ADGRL2: variants seen among roughly 807,000 people sequenced by gnomAD.
The protein encoded by ADGRL2 is calcium-independent alpha-latrotoxin receptor 2.
ADGRL2 carries 44 observed loss-of-function variants against 157.4 expected under a neutral mutation model. The ratio of observed to expected loss-of-function variants is 0.28; its 90% CI spans 0.22 to 0.36. The LOEUF (loss-of-function observed/expected upper bound fraction) is 0.36. Ranked by LOEUF, ADGRL2 falls within the 10% of genes least tolerant of loss-of-function variation. The pLI is 1.00. For missense variants in ADGRL2, 1,510 were observed against 1,768.9 expected, an observed-to-expected ratio of 0.85 and a Z score of 2.63; for synonymous variants, 585 against 624.7, an observed-to-expected ratio of 0.94 and a Z score of 0.95.
intron 1 of ADGRL2, among the ~76,000 whole-genome samples, chr1:81,759,035 A>C (rs2149298138): frequency 6.6e-6 from 1 of 152,268 alleles, no homozygotes; most frequent in South Asian, 2.1e-4. Flanking sequence ...CCACATTTTG[A>C]ATACAGTCTG....
chr1:81,746,414 T>C (rs917304709), intron 1 of ADGRL2, among the ~76,000 whole-genome samples: 2 of 152,118 alleles, frequency 1.3e-5, no homozygotes, highest in African/African-American at 4.8e-5. Flanking sequence ...CTCAGCCTCC[T>C]GAGTAGCTGG....
intron 1 of ADGRL2, among the ~76,000 whole-genome samples, chr1:81,311,971 T>C (rs1035052584): frequency 6.6e-6 from 1 of 152,156 alleles, no homozygotes; most frequent in Admixed American, 6.6e-5. Flanking sequence ...ATTCAGACTT[T>C]GGCATTTTTT....
At chr1:81,436,394 C>A in intron 1 of ADGRL2, among the ~76,000 whole-genome samples, 1 of 152,176 alleles carries the variant, frequency 6.6e-6, no homozygotes, top group Non-Finnish European at 1.5e-5. Flanking sequence ...ACATACCTGA[C>A]AAAAGGTGGT....
chr1:81,901,844 G>A (rs989281151), intron 2 of ADGRL2, among the ~76,000 whole-genome samples: 11 of 152,088 alleles, frequency 7.2e-5, no homozygotes, highest in Non-Finnish European at 2.9e-5. Flanking sequence ...GTGTAAAATG[G>A]TCAAAGAAGG....
intron 1 of ADGRL2, among the ~76,000 whole-genome samples, chr1:81,315,915 T>C (rs1182505967): frequency 6.6e-6 from 1 of 152,132 alleles, no homozygotes; most frequent in East Asian, 1.9e-4. Context: ...AGGAAGATAA[T>C]TGATACACAT....
intron 3 of ADGRL2, among the ~76,000 whole-genome samples, chr1:81,650,254 G>T (rs2082387900): frequency 6.6e-6 from 1 of 152,028 alleles, no homozygotes; most frequent in African/African-American, 2.4e-5. Context: ...AACATGGCAG[G>T]TGAAGGAAGA....
At chr1:81,726,015 A>C (rs1173543230) in intron 1 of ADGRL2, among the ~76,000 whole-genome samples, 1 of 152,086 alleles carries the variant, frequency 6.6e-6, no homozygotes, top group Non-Finnish European at 1.5e-5. Context: ...ACAAAAACCC[A>C]AAAACCAAAA....
intron 3 of ADGRL2, among the ~76,000 whole-genome samples, chr1:81,669,660 TG>T (rs1426492537): frequency 6.6e-6 from 1 of 152,040 alleles, no homozygotes; most frequent in East Asian, 1.9e-4. Flanking sequence ...AGAGGACACC[TG>T]GCTGGGTGTG....
intron 1 of ADGRL2, chr1:81,721,804 C>A: frequency 8.9e-7 from 1 of 1,129,050 alleles, no homozygotes; most frequent in South Asian, 1.2e-5. Context: ...TGGGAGCAGG[C>A]GGTAAAGTAC....
intron 3 of ADGRL2, among the ~76,000 whole-genome samples, chr1:81,925,877 G>A (rs1287949957): frequency 1.3e-5 from 2 of 151,874 alleles, no homozygotes; most frequent in Admixed American, 6.6e-5. Context: ...CATCTCAGGA[G>A]TCAGAAAAAA....
intron 2 of ADGRL2, among the ~76,000 whole-genome samples, chr1:81,504,411 A>G (rs1218658289): frequency 6.6e-6 from 1 of 152,100 alleles, no homozygotes; most frequent in African/African-American, 2.4e-5. Flanking sequence ...GAAATACCTC[A>G]GATTTGTAAT....
chr1:81,889,946 T>A (rs1487477733), intron 2 of ADGRL2, among the ~76,000 whole-genome samples: 1 of 152,246 alleles, frequency 6.6e-6, no homozygotes, highest in Non-Finnish European at 1.5e-5. Context: ...GGATTGTATG[T>A]GTGGGTCACC....
intron 3 of ADGRL2, among the ~76,000 whole-genome samples, chr1:81,611,752 C>T (rs528292874): frequency 1.3e-5 from 2 of 152,152 alleles, no homozygotes; most frequent in African/African-American, 4.8e-5. Flanking sequence ...TACCCTAGAC[C>T]TGCTGATATG....
intron 2 of ADGRL2, among the ~76,000 whole-genome samples, chr1:81,895,656 A>G (rs2094370573): frequency 2.6e-5 from 4 of 152,242 alleles, no homozygotes; most frequent in South Asian, 2.1e-4. Context: ...CGGCCTCCCA[A>G]AGTGCTGGGA....
intron 2 of ADGRL2, among the ~76,000 whole-genome samples, chr1:81,461,034 T>A (rs1298175962): frequency 2.8e-4 from 42 of 152,188 alleles, no homozygotes; most frequent in Admixed American, 2.7e-3. Flanking sequence ...CAGACCCCTC[T>A]GCTTGCCCAG....
intron 1 of ADGRL2, chr1:81,722,765 A>G (rs1204765053): frequency 6.8e-5 from 54 of 797,458 alleles, no homozygotes; most frequent in Non-Finnish European, 1.1e-4. Context: ...CAAGAAGAGC[A>G]TGAGAGAGCC....
intron 16 of ADGRL2, 122 bp from the exon 17 acceptor site, chr1:81,971,730 A>G (rs1658812387): frequency 1.7e-6 from 1 of 571,598 alleles, no homozygotes; most frequent in South Asian, 2.6e-5. Flanking sequence ...CACATGATAA[A>G]TGAATCTTCA....
At chr1:81,395,173 A>T (rs1397911948) in intron 1 of ADGRL2, among the ~76,000 whole-genome samples, 1 of 152,120 alleles carries the variant, frequency 6.6e-6, no homozygotes, top group African/African-American at 2.4e-5. Flanking sequence ...GGCCTTTCAA[A>T]GTGCTAGGAT....
At chr1:81,612,967 A>G (rs890164496) in intron 3 of ADGRL2, among the ~76,000 whole-genome samples, 1 of 152,216 alleles carries the variant, frequency 6.6e-6, no homozygotes, top group South Asian at 2.1e-4. Flanking sequence ...TGTACCATGA[A>G]GGGTACTATA....
Sources: gnomAD v4.1 joint callset for allele counts (sites outside exome capture counted in the v4.1 genomes callset) on GRCh38, gnomAD v4.1.1 for gene constraint, MANE v1.5 for transcripts, NCBI Gene and HGNC (gene_info 2026-07-23, HGNC 2026-07-21) for gene names.